Variants in KAT6A observed in about 807,000 individuals in gnomAD.
KAT6A encodes the protein lysine acetyltransferase 6A, also known as histone acetyltransferase KAT6A.
A neutral mutation model predicts 198.4 loss-of-function variants in KAT6A; 9 were observed. The observed-to-expected ratio is 0.05, with a 90% CI of 0.03 to 0.08. The LOEUF (loss-of-function observed/expected upper bound fraction) is 0.08. Among genes scored for constraint, KAT6A ranks in the 10% least tolerant of loss-of-function variants. KAT6A has a pLI of 1.00. For synonymous variants in KAT6A, 890 were observed against 883.0 expected (o/e 1.01, Z -0.14); for missense variants, 2,077 against 2,509.9 (o/e 0.83, Z 3.69).
chr8:41,996,171 T>TA (rs779588213), intron 2 of KAT6A, among the ~76,000 whole-genome samples: 10 of 152,252 alleles, frequency 6.6e-5, no homozygotes, highest in Non-Finnish European at 1.3e-4. Flanking sequence ...AATTGAATGA[T>TA]AAATTCTATA....
At chr8:42,041,053 G>C (rs369290231) in intron 2 of KAT6A, among the ~76,000 whole-genome samples, 1 of 151,876 alleles carries the variant, frequency 6.6e-6, no homozygotes. Context: ...AAATTAGCCA[G>C]GCATGGTGGC....
chr8:41,957,300 C>G lies in KAT6A; in HGVS notation c.1483-1889G>C, dbSNP rs754567144. ...GAGCCCGCCTCCACTCCCAGCTCCC[C>G]TGAGCAAGCCTCCACAGCAAGGGTG... is the stretch of plus-strand genomic sequence containing the variant. On this transcript the variant is annotated intron_variant, in intron 8 of 16. Transcript: ENST00000265713. 2.0e-5 allele frequency: 11 copies of G among 562,784 alleles called. No individual in the cohort carries two copies. In the East Asian group the frequency reaches 4.1e-4, roughly 21 times the overall value. 34.9% of individuals were successfully genotyped at this position (562,784 alleles called of 1,614,324 possible).
At chr8:42,010,227 C>A (rs1825960360) in intron 2 of KAT6A, among the ~76,000 whole-genome samples, 1 of 152,084 alleles carries the variant, frequency 6.6e-6, no homozygotes, top group South Asian at 2.1e-4. Context: ...ATCGCTTGAA[C>A]CCAGGAGGCA....
Position 41,933,010 on chromosome 8 carries a change from C to T in KAT6A, c.5210G>A (p.Gly1737Glu). Residue 1737 changes from glycine to glutamate, a missense_variant, in exon 17 of 17, where the codon GGG becomes GAG. Physicochemically the swap from Gly to Glu is moderately conservative, Grantham distance 98. Transcript: ENST00000265713. This position sits in a 1 kb window ranked among gnomAD's most constrained non-coding sequence, Gnocchi z 6.2. ...AGAGTAGCTGCCGGCACCAAAATCC[C>T]CTGGAATCCTCTCATAGATACTTAT... Reference protein sequence around the residue: ...GNISIYERIPGDFGAGSYSQP... With the variant: ...GNISIYERIPEDFGAGSYSQP... The T allele has an allele frequency of 6.2e-7, 1 of 1,614,082 alleles. No homozygotes were observed. Among genetic ancestry groups the T allele is most frequent in the Non-Finnish European group, 8.5e-7 (1 of 1,180,030 alleles).
rs1295702715 is a variant in KAT6A, at chr8:41,934,201, T to C, written c.4019A>G (p.Asp1340Gly). ...KELEEQPTRE[D>G]VKEEPGVQES... ...TTGAACACCAGGCTCCTCCTTGACA[T>C]CTTCCCTCGTGGGCTGTTCCTCTAG... The change falls in exon 17 of 17, where the codon GAT becomes GGT. Residue 1340 changes from aspartate to glycine, a missense_variant. Coordinates refer to ENST00000265713, the MANE Select transcript of KAT6A (RefSeq NM_006766.5). 1 of 1,614,186 alleles carries C rather than the reference T, an allele frequency of 6.2e-7. No homozygotes were observed. The highest frequency in any genetic ancestry group is 1.1e-5 in the South Asian group (1 of 91,080).
At chr8:41,957,075 G>A (rs1460773539) in intron 8 of KAT6A, 4 of 601,218 alleles carry the variant, frequency 6.7e-6, no homozygotes, top group Non-Finnish European at 1.3e-5. Context: ...TGTTGTTTGA[G>A]GGTCTTCCCA....
intron 2 of KAT6A, among the ~76,000 whole-genome samples, chr8:42,040,900 G>A (rs1479782854): frequency 6.6e-6 from 1 of 151,728 alleles, no homozygotes; most frequent in African/African-American, 2.4e-5. Context: ...GTGCTCATAG[G>A]TGAACCAGAA....
chr8:42,035,213 T>C (rs1827311178), intron 2 of KAT6A, among the ~76,000 whole-genome samples: 1 of 152,066 alleles, frequency 6.6e-6, no homozygotes, highest in Non-Finnish European at 1.5e-5. Flanking sequence ...ACAAGTGAGG[T>C]ATGGAAGATG....
At chr8:41,963,346 C>T (rs1823300869) in intron 8 of KAT6A, among the ~76,000 whole-genome samples, 1 of 152,164 alleles carries the variant, frequency 6.6e-6, no homozygotes, top group Admixed American at 6.5e-5. Context: ...TTCACACAAT[C>T]CCACAACTGT....
At chr8:41,983,822 C>T (rs185898713) in intron 3 of KAT6A, among the ~76,000 whole-genome samples, 11 of 152,298 alleles carry the variant, frequency 7.2e-5, no homozygotes, top group East Asian at 1.9e-4. Context: ...TTATTATAAA[C>T]GCTATACAAT....
At chr8:42,024,385 C>G (rs1049031929) in intron 2 of KAT6A, among the ~76,000 whole-genome samples, 2 of 152,120 alleles carry the variant, frequency 1.3e-5, no homozygotes. Context: ...GCATACAATG[C>G]GTAATGATCA....
At chr8:42,033,800 C>A (rs1050553280) in intron 2 of KAT6A, among the ~76,000 whole-genome samples, 1 of 151,940 alleles carries the variant, frequency 6.6e-6, no homozygotes, top group East Asian at 1.9e-4. Flanking sequence ...ACATATGAAA[C>A]AACCCAAACA....
rs541334641 is a variant in KAT6A, at chr8:42,035,868, G to A, written c.600+12510C>T. Reference sequence around the variant, plus strand: ...GTTTTTTGGTTGTTTTTACTCTAACGGGAGAGTCTTCTGCCTGCTAAGGAC... The same window carrying A: ...GTTTTTTGGTTGTTTTTACTCTAACAGGAGAGTCTTCTGCCTGCTAAGGAC... On this transcript the variant is annotated intron_variant, in intron 2 of 16. Coordinates refer to ENST00000265713, the MANE Select transcript of KAT6A (RefSeq NM_006766.5). Among the ~76,000 whole-genome samples, 14 of 152,250 alleles carry A rather than the reference G, an allele frequency of 9.2e-5. 1 individual carries two copies. In the East Asian group the frequency reaches 2.7e-3, roughly 29 times the overall value.
At chr8:42,046,149 T>C (rs1441455180) in intron 2 of KAT6A, among the ~76,000 whole-genome samples, 1 of 152,220 alleles carries the variant, frequency 6.6e-6, no homozygotes, top group Non-Finnish European at 1.5e-5. Flanking sequence ...CTATATTTAC[T>C]ACCTTTTAAA....
chr8:42,003,526 CCATTTTG>C (rs1437966608), intron 2 of KAT6A, among the ~76,000 whole-genome samples: 1 of 151,090 alleles, frequency 6.6e-6, no homozygotes, highest in Non-Finnish European at 1.5e-5. Context: ...CTTCAATTTT[CCATTTTG>C]CATTTCAGTT....
Position 41,937,629 on chromosome 8 carries a change from C to T in KAT6A, c.3040-61G>A, listed in dbSNP as rs191620478. The T allele has an allele frequency of 5.4e-3, 7,277 of 1,342,514 alleles. 52 individuals carry two copies. Among genetic ancestry groups the T allele is most frequent in the Middle Eastern group, 0.023 (117 of 5,166 alleles). 83.2% of individuals were successfully genotyped at this position (1,342,514 alleles called of 1,614,324 possible). On this transcript the variant is annotated intron_variant, in intron 15 of 16. Transcript: ENST00000265713. ...AACACTATCTTTTCTATTAATAATA[C>T]GAAAACAGTTTTAAAACCAAATAGA...
chr8:42,001,129 T>C (rs1825476726), intron 2 of KAT6A, among the ~76,000 whole-genome samples: 1 of 152,164 alleles, frequency 6.6e-6, no homozygotes, highest in African/African-American at 2.4e-5. Context: ...CTTGGATATT[T>C]AAAACAAATA....
In KAT6A at chr8:41,937,455, A is replaced by C. The variant is rs1390381703; in HGVS notation, c.3153T>G (p.Asp1051Glu). ...TTEVLDEPFE[D>E]SDSERPMPRL... is the part of the protein sequence containing the mutation. ...TTGGCATTGGCCTCTCGGAGTCAGA[A>C]TCTTCAAAAGGTTCATCTAACACTT... Residue 1051 changes from aspartate to glutamate, a missense_variant, in exon 16 of 17, where the codon GAT becomes GAG. Transcript: ENST00000265713. 5.0e-6 allele frequency: 8 copies of C among 1,614,180 alleles called. No homozygotes were observed. Among genetic ancestry groups the C allele is most frequent in the Non-Finnish European group, 6.8e-6 (8 of 1,180,010 alleles).
At chr8:41,943,271 ACT>A (rs763758367) in intron 13 of KAT6A, among the ~76,000 whole-genome samples, 3 of 151,882 alleles carry the variant, frequency 2.0e-5, no homozygotes, top group Non-Finnish European at 4.4e-5. Flanking sequence ...GCTCTTCTGC[ACT>A]CTCTTTCCTA....
Sources: allele counts gnomAD v4.1 joint callset (sites outside exome capture counted in the v4.1 genomes callset), GRCh38; gene constraint gnomAD v4.1.1; non-coding constraint Gnocchi (gnomAD v3.1); transcripts MANE v1.5; gene names NCBI Gene and HGNC (gene_info 2026-07-23, HGNC 2026-07-21).